The following CHCHD1 variants were observed in gnomAD, a reference collection of about 807,000 sequenced individuals.
CHCHD1 encodes coiled-coil-helix-coiled-coil-helix domain containing 1.
A neutral mutation model predicts 12.7 loss-of-function variants in CHCHD1; 12 were observed. The observed-to-expected ratio is 0.95, with a 90% CI of 0.61 to 1.53. CHCHD1 has a LOEUF of 1.53. Among genes scored for constraint, CHCHD1 ranks in the 40% most tolerant of loss-of-function variants. The probability of loss-of-function intolerance (pLI) is 0.00; values close to 1 mark genes in which losing one functional copy is unlikely to be tolerated. For missense variants in CHCHD1, 151 were observed against 155.8 expected, an observed-to-expected ratio of 0.97 and a Z score of 0.17; for synonymous variants, 57 against 62.4, an observed-to-expected ratio of 0.91 and a Z score of 0.41.
chr10:73,782,704 G>A, intron 2 of CHCHD1: 2 of 853,424 alleles, frequency 2.3e-6, no homozygotes, highest in Non-Finnish European at 3.4e-6. Flanking sequence ...ATGAAGTAAT[G>A]AATGGGAAAA....
chr10:73,783,033 A>C (rs2083110598), intron 2 of CHCHD1, 41 bp from the exon 3 acceptor site: 3 of 1,495,104 alleles, frequency 2.0e-6, no homozygotes, highest in South Asian at 2.3e-5. Flanking sequence ...GACTAGACAA[A>C]CTGTAGAGCT....
At position 73,782,324 on chromosome 10, in the gene CHCHD1, G is replaced by A; in HGVS notation, c.126G>A (p.Glu42=). 6.2e-7 allele frequency: 1 copy of A among 1,613,842 alleles called. No individual in the cohort carries two copies. Among genetic ancestry groups the A allele is most frequent in the Non-Finnish European group, 8.5e-7 (1 of 1,179,798 alleles). ...GGTCCCCCGGATCTGCCCCTCCAGA[G>A]GCGACTTGCATCACGGAGATGTCGG... The part of the protein sequence containing the change: ...RVGERRREKG[E]ATCITEMSVM... The change falls in exon 2 of 3, where the codon GAG becomes GAA. Residue 42 remains glutamate, a splice_region_variant and synonymous_variant. Coordinates refer to ENST00000372833, the MANE Select transcript of CHCHD1 (RefSeq NM_203298.3).
At chr10:73,782,675 A>C in intron 2 of CHCHD1, 1 of 1,108,600 alleles carries the variant, frequency 9.0e-7, no homozygotes, top group Non-Finnish European at 1.2e-6. Flanking sequence ...ACCACCTTAA[A>C]GAATGTTGTG....
In CHCHD1 at chr10:73,782,080, C is replaced by G. The variant is rs777725979; in HGVS notation, c.5C>G (p.Ala2Gly). Residue 2 changes from alanine to glycine, a missense_variant, in exon 1 of 3, where the codon GCG becomes GGG. By Grantham distance (60) the Ala-to-Gly change is moderately conservative. Coordinates refer to ENST00000372833, the MANE Select transcript of CHCHD1 (RefSeq NM_203298.3). The part of the protein sequence containing the change: M[A>G]TPSLRGRLAR... The stretch of plus-strand genomic sequence containing the variant: ...CTGCCGGGAGCTTGGTGCGCTATGG[C>G]GACACCCAGCCTGCGGGGTCGTCTG... 2.5e-6 allele frequency: 4 copies of G among 1,612,966 alleles called. No homozygotes were observed. The highest frequency in any genetic ancestry group is 2.5e-6 in the Non-Finnish European group (3 of 1,179,810).
Position 73,782,120 on chromosome 10 carries a change from C to T in CHCHD1, c.45C>T (p.Asn15=). The part of the protein sequence containing the change: ...SLRGRLARFG[N]PRKPVLKPNK... ...GGGGTCGTCTGGCGCGGTTTGGGAACCCGCGGAAGCCTGTGCTGAAGCCCA... is the reference window on the plus strand; with the variant it reads ...GGGGTCGTCTGGCGCGGTTTGGGAATCCGCGGAAGCCTGTGCTGAAGCCCA... Residue 15 remains asparagine (N), a synonymous_variant, in exon 1 of 3, where the codon AAC becomes AAT. Transcript: ENST00000372833. 1 of 1,613,334 alleles carries T rather than the reference C, an allele frequency of 6.2e-7. No homozygotes were observed. Among genetic ancestry groups the T allele is most frequent in the East Asian group, 2.2e-5 (1 of 44,876 alleles).
rs752678247 is a variant in CHCHD1 at position 73,782,306 on chromosome 10, C to T, written c.125-17C>T. 82 of 1,611,326 alleles carry T rather than the reference C, an allele frequency of 5.1e-5. No homozygotes were observed. The highest frequency in any genetic ancestry group is 3.6e-5 in the Non-Finnish European group (43 of 1,178,124). On this transcript the variant is annotated splice_polypyrimidine_tract_variant and intron_variant, in intron 1 of 2. Coordinates refer to ENST00000372833, the MANE Select transcript of CHCHD1 (RefSeq NM_203298.3). ...GGTCTTCTTGTGACTGAAGGTCCCC[C>T]GGATCTGCCCCTCCAGAGGCGACTT...
Position 73,782,197 on chromosome 10 carries a change from G to A in CHCHD1, c.122G>A (p.Gly41Asp), listed in dbSNP as rs2083105431. ...NRVGERRREK[G>D]EATCITEMSV... ...GTCGGGGAGCGGCGCCGGGAGAAGG[G>A]CGGTGAGCAGTCGGAGTCAGGACGG... Residue 41 changes from glycine (G) to aspartate (D), a missense_variant and splice_region_variant, in exon 1 of 3, where the codon GGC (glycine) becomes GAC (aspartate). Physicochemically the swap from Gly to Asp is moderately conservative, Grantham distance 94. Transcript: ENST00000372833. 3 of 1,613,832 alleles carry A rather than the reference G, an allele frequency of 1.9e-6. No homozygotes were observed. The Admixed American group carries it at 5.0e-5, about 27-fold the overall frequency.
chr10:73,782,858 C>G, intron 2 of CHCHD1: 1 of 587,170 alleles, frequency 1.7e-6, no homozygotes, highest in Non-Finnish European at 2.9e-6. Context: ...TGAACATAGT[C>G]TCATTTGTAG....
At chr10:73,782,900 A>G (rs999128608) in intron 2 of CHCHD1, 174 bp from the exon 3 acceptor site, 3 of 633,078 alleles carry the variant, frequency 4.7e-6, no homozygotes, top group African/African-American at 3.7e-5. Context: ...AAAGAGGCTG[A>G]CATAGATCTC....
At position 73,782,210 on chromosome 10, in the gene CHCHD1, G is replaced by C; in HGVS notation, c.124+11G>C. The C allele has an allele frequency of 1.2e-6, 2 of 1,613,744 alleles. No homozygotes were observed. The highest frequency in any genetic ancestry group is 1.7e-6 in the Non-Finnish European group (2 of 1,179,890). ...GCCGGGAGAAGGGCGGTGAGCAGTC[G>C]GAGTCAGGACGGCCCCGGAGCGGAA... On this transcript the variant is annotated intron_variant, in intron 1 of 2. Coordinates refer to ENST00000372833, the MANE Select transcript of CHCHD1 (RefSeq NM_203298.3).
Position 73,782,127 on chromosome 10 carries a change from AAG to A in CHCHD1, c.53_54del (p.Lys18ThrfsTer7), listed in dbSNP as rs775556329. The A allele has an allele frequency of 6.2e-7, 1 of 1,613,552 alleles. No homozygotes were observed. Among genetic ancestry groups the A allele is most frequent in the Admixed American group, 1.7e-5 (1 of 60,030 alleles). On this transcript the variant is annotated frameshift_variant, in exon 1 of 3. Transcript: ENST00000372833. LOFTEE classifies it high-confidence loss of function. Reference protein sequence around the residue: ...GRLARFGNPRKPVLKPNKPLI... With the variant: ...GRLARFGNPRXPVLKPNKPLI... ...TCTGGCGCGGTTTGGGAACCCGCGG[AAG>A]CCTGTGCTGAAGCCCAATAAACCTC...
chr10:73,782,048 G>C lies in CHCHD1; in HGVS notation c.-28G>C. On this transcript the variant is annotated 5_prime_UTR_variant, in exon 1 of 3. Transcript: ENST00000372833. Reference sequence around the variant, plus strand: ...GTCACGCGAGGTCACGCACGGAACCGCAAAGCCTGCCGGGAGCTTGGTGCG... The same window carrying C: ...GTCACGCGAGGTCACGCACGGAACCCCAAAGCCTGCCGGGAGCTTGGTGCG... 6.2e-7 allele frequency: 1 copy of C among 1,611,536 alleles called. No individual in the cohort carries two copies. Among genetic ancestry groups the C allele is most frequent in the Non-Finnish European group, 8.5e-7 (1 of 1,179,470 alleles).
At position 73,783,093 on chromosome 10, in the gene CHCHD1, C is replaced by T. The variant is rs930538162; in HGVS notation, c.263C>T (p.Ser88Leu). Residue 88 changes from serine to leucine, a missense_variant, in exon 3 of 3, where the codon TCA becomes TTA. Coordinates refer to ENST00000372833, the MANE Select transcript of CHCHD1 (RefSeq NM_203298.3). Reference protein sequence around the residue: ...ARAQEARKMRSIQETLGESGS... With the variant: ...ARAQEARKMRLIQETLGESGS... ...TTTCAGGAAGCCCGAAAGATGAGAT[C>T]AATACAGGAAACCCTGGGAGAGTCT... The T allele has an allele frequency of 6.2e-7, 1 of 1,613,384 alleles. No homozygotes were observed. Among genetic ancestry groups the T allele is most frequent in the Admixed American group, 1.7e-5 (1 of 60,004 alleles).
At chr10:73,782,956 C>T in intron 2 of CHCHD1, 118 bp from the exon 3 acceptor site, 1 of 798,526 alleles carries the variant, frequency 1.3e-6, no homozygotes, top group Non-Finnish European at 2.1e-6. Flanking sequence ...ATTGTGAGAA[C>T]TATGGGCCTA....
At chr10:73,782,478 G>C in intron 2 of CHCHD1, 37 bp downstream of exon 2, 2 of 1,613,046 alleles carry the variant, frequency 1.2e-6, no homozygotes, top group East Asian at 4.5e-5. Context: ...CTCAGGAAAA[G>C]AATGGGGGAG....
At chr10:73,782,821 T>G (rs779298395) in intron 2 of CHCHD1, 1 of 576,560 alleles carries the variant, frequency 1.7e-6, no homozygotes, top group East Asian at 3.2e-5. Flanking sequence ...CTGTCTAGGC[T>G]TAATTGTTAG....
At chr10:73,782,509 T>A (rs1287065862) in intron 2 of CHCHD1, 68 bp downstream of exon 2, 2 of 1,601,296 alleles carry the variant, frequency 1.2e-6, no homozygotes, top group Non-Finnish European at 1.7e-6. Context: ...TGATTCTCCC[T>A]GCCTTTTGCT....
chr10:73,783,243 C>A lies in CHCHD1; in HGVS notation c.*56C>A. ...ATAGCTTCTGACAACTATGCAGAGG[C>A]ATTTTAGAGACATTGGCATTGCCAT... On this transcript the variant is annotated 3_prime_UTR_variant, in exon 3 of 3. Transcript: ENST00000372833. 7.4e-7 allele frequency: 1 copy of A among 1,346,158 alleles called. No individual in the cohort carries two copies. Among genetic ancestry groups the A allele is most frequent in the Non-Finnish European group, 1.1e-6 (1 of 946,638 alleles). 83.4% of individuals were successfully genotyped at this position (1,346,158 alleles called of 1,614,324 possible).
In CHCHD1 at chr10:73,783,303, T is replaced by C; in HGVS notation, c.*116T>C. ...GGAGGGTAGAAGAGGCAAAACACTT[T>C]TTTCACCCTTTGGAATCATAGTATG... is the stretch of plus-strand genomic sequence containing the variant. On this transcript the variant is annotated 3_prime_UTR_variant, in exon 3 of 3. Transcript: ENST00000372833. 3.0e-6 allele frequency: 2 copies of C among 674,066 alleles called. No individual in the cohort carries two copies. The highest frequency in any genetic ancestry group is 2.5e-6 in the Non-Finnish European group (1 of 394,416). The allele number at this position is 674,066 out of a possible 1,614,324, so 41.8% of individuals were successfully genotyped here.
Sources: allele counts gnomAD v4.1 joint callset, GRCh38; gene constraint gnomAD v4.1.1; transcripts MANE v1.5; gene names NCBI Gene and HGNC (gene_info 2026-07-23, HGNC 2026-07-21).